LRP1B: variants seen among roughly 807,000 people sequenced by gnomAD.
LRP1B encodes LDL receptor related protein 1B, also known as low-density lipoprotein receptor-related protein 1B.
A neutral mutation model predicts 556.6 loss-of-function variants in LRP1B; 217 were observed. The observed-to-expected ratio is 0.39, with a 90% CI of 0.35 to 0.44. LRP1B has a LOEUF of 0.44. Among genes scored for constraint, LRP1B ranks in the 20% least tolerant of loss-of-function variants. LRP1B has a pLI of 1.00. For synonymous variants in LRP1B, 2,047 were observed against 1,865.8 expected, an observed-to-expected ratio of 1.10 and a Z score of -2.50; for missense variants, 5,053 against 5,620.8, an observed-to-expected ratio of 0.90 and a Z score of 3.23.
chr2:141,798,774 A>C (rs929121967), intron 2 of LRP1B, among the ~76,000 whole-genome samples: 19 of 151,626 alleles, frequency 1.3e-4, no homozygotes, highest in African/African-American at 4.6e-4. Flanking sequence ...TTATGGGCTG[A>C]ATTGGTCCTC....
At chr2:140,589,321 A>C (rs571659893) in intron 43 of LRP1B, among the ~76,000 whole-genome samples, 66 of 152,292 alleles carry the variant, frequency 4.3e-4, no homozygotes, top group African/African-American at 1.5e-3. Context: ...TAGAATATAT[A>C]AATAACTCAT....
At chr2:142,068,035 T>C (rs1705172338) in intron 1 of LRP1B, among the ~76,000 whole-genome samples, 1 of 151,556 alleles carries the variant, frequency 6.6e-6, no homozygotes, top group Admixed American at 6.6e-5. Context: ...GTCTAGGAGC[T>C]GGTTCCTTAA....
At chr2:140,582,501 G>A (rs1558983057) in intron 43 of LRP1B, among the ~76,000 whole-genome samples, 2 of 152,172 alleles carry the variant, frequency 1.3e-5, no homozygotes, top group African/African-American at 2.4e-5. Flanking sequence ...AGTATTAAGA[G>A]GTGGGACTTT....
intron 3 of LRP1B, among the ~76,000 whole-genome samples, chr2:141,407,134 A>G (rs1156415729): frequency 4.1e-4 from 1 of 2,460 alleles, no homozygotes; most frequent in Admixed American, 7.1e-3. Context: ...GTCAATAAAT[A>G]GAAACTTTTT....
At chr2:141,629,046 A>C (rs1267082837) in intron 2 of LRP1B, among the ~76,000 whole-genome samples, 1 of 152,204 alleles carries the variant, frequency 6.6e-6, no homozygotes, top group East Asian at 1.9e-4. Context: ...GAGAATCATA[A>C]TGTCCAAAGA....
intron 72 of LRP1B, among the ~76,000 whole-genome samples, chr2:140,361,757 G>A (rs184500539): frequency 1.3e-4 from 20 of 151,284 alleles, no homozygotes; most frequent in Admixed American, 6.0e-4. Context: ...TCCACACAGC[G>A]TAATCTTGAA....
intron 1 of LRP1B, among the ~76,000 whole-genome samples, chr2:142,071,087 G>A (rs1159224719): frequency 6.6e-6 from 1 of 151,916 alleles, no homozygotes; most frequent in African/African-American, 2.4e-5. Context: ...TGGGGGTTGG[G>A]AATGGTGGGT....
chr2:141,936,154 A>G (rs1458247302), intron 1 of LRP1B, among the ~76,000 whole-genome samples: 1 of 152,200 alleles, frequency 6.6e-6, no homozygotes, highest in Non-Finnish European at 1.5e-5. Context: ...GTATAAGATC[A>G]GACACAAGAT....
At chr2:140,835,978 G>C (rs373529699) in intron 31 of LRP1B, among the ~76,000 whole-genome samples, 4 of 152,116 alleles carry the variant, frequency 2.6e-5, no homozygotes, top group Non-Finnish European at 5.9e-5. Flanking sequence ...CTTCCAAAGG[G>C]AAAGTTTGAA....
At chr2:141,664,502 C>T (rs1690347005) in intron 2 of LRP1B, among the ~76,000 whole-genome samples, 1 of 152,182 alleles carries the variant, frequency 6.6e-6, no homozygotes, top group Admixed American at 6.5e-5. Flanking sequence ...TTAGCAACTT[C>T]AGCAAAGTCT....
intron 86 of LRP1B, among the ~76,000 whole-genome samples, chr2:140,262,580 A>C (rs946166456): frequency 1.3e-5 from 2 of 152,170 alleles, no homozygotes; most frequent in Non-Finnish European, 2.9e-5. Context: ...TGTCTGGCTC[A>C]CCTTTGATAG....
rs568574904 is a variant in LRP1B, at chr2:141,998,322, A to G, written c.82+132326T>C. 1.1e-4 allele frequency among the ~76,000 whole-genome samples: 16 copies of G among 152,312 alleles called. No homozygotes were observed. In the South Asian group the frequency reaches 3.1e-3, roughly 30 times the overall value. On this transcript the variant is annotated intron_variant, in intron 1 of 90. Transcript: ENST00000389484. ...TTTGAAAAAAAGAGAAAAAACAAAC[A>G]AACAAACAAAAAATGTCTGTGAGGA...
At chr2:141,477,066 T>C (rs1286828462) in intron 3 of LRP1B, among the ~76,000 whole-genome samples, 1 of 151,972 alleles carries the variant, frequency 6.6e-6, no homozygotes, top group Non-Finnish European at 1.5e-5. Context: ...GAGGTCATGG[T>C]GAGCCGAGAT....
chr2:141,823,897 C>A (rs1558900383), intron 1 of LRP1B, among the ~76,000 whole-genome samples: 1 of 152,132 alleles, frequency 6.6e-6, no homozygotes, highest in East Asian at 1.9e-4. Context: ...TGGTCTCAAA[C>A]TCCTGAGTTC....
rs184923226 is a variant in LRP1B at position 140,818,598 on chromosome 2, T to C, written c.5210-4792A>G. Among the ~76,000 whole-genome samples, 168 of 152,276 alleles carry C rather than the reference T, an allele frequency of 1.1e-3. 1 individual carries two copies. In the South Asian group the frequency reaches 0.011, roughly 10 times the overall value. On this transcript the variant is annotated intron_variant, in intron 31 of 90. Coordinates refer to ENST00000389484, the MANE Select transcript of LRP1B (RefSeq NM_018557.3). Reference sequence around the variant, plus strand: ...TTCACTATTAGGCTATCTCAAGAAATGCTTTATCCATCCTGAGAATATTTG... The same window carrying C: ...TTCACTATTAGGCTATCTCAAGAAACGCTTTATCCATCCTGAGAATATTTG...
chr2:141,851,117 T>A (rs1025962045), intron 1 of LRP1B, among the ~76,000 whole-genome samples: 1 of 59,360 alleles, frequency 1.7e-5, no homozygotes, highest in East Asian at 3.1e-4. Context: ...TTGTTTTCAG[T>A]CTTTATTATA....
At chr2:140,245,366 T>G (rs1681105206) in intron 87 of LRP1B, among the ~76,000 whole-genome samples, 1 of 151,484 alleles carries the variant, frequency 6.6e-6, no homozygotes, top group South Asian at 2.1e-4. Context: ...AACACCAAAC[T>G]TTCCCTTTGT....
chr2:141,811,103 C>T (rs1696339018), intron 1 of LRP1B, among the ~76,000 whole-genome samples: 1 of 152,066 alleles, frequency 6.6e-6, no homozygotes, highest in Non-Finnish European at 1.5e-5. Context: ...AGCCTTTCCT[C>T]AAGTCCTCGC....
chr2:140,813,743 T>A lies in LRP1B; in HGVS notation c.5273A>T (p.Asn1758Ile), dbSNP rs944614643. 2 of 1,610,126 alleles carry A rather than the reference T, an allele frequency of 1.2e-6. No homozygotes were observed. Among genetic ancestry groups the A allele is most frequent in the African/African-American group, 2.7e-5 (2 of 74,856 alleles). The part of the protein sequence containing the change: ...YWISSGNGTI[N>I]RCNLDGGNLE... The stretch of plus-strand genomic sequence containing the variant: ...ATTACCACCATCCAGGTTGCATCTA[T>A]TTATGGTTCCATTCCCTGAACTGAT... The change falls in exon 32 of 91, where the codon AAT becomes ATT. Residue 1758 changes from asparagine to isoleucine, a missense_variant. Physicochemically the swap from Asn to Ile is moderately radical, Grantham distance 149 (BLOSUM62 -3). This residue lies in a region of LRP1B where 3,619 missense variants were observed against 3,931.9 expected (regional missense o/e 0.92). Coordinates refer to ENST00000389484, the MANE Select transcript of LRP1B (RefSeq NM_018557.3).
Sources: allele counts gnomAD v4.1 joint callset (sites outside exome capture counted in the v4.1 genomes callset), GRCh38; gene constraint gnomAD v4.1.1; regional missense constraint gnomAD v4.1.1; transcripts MANE v1.5; gene names NCBI Gene and HGNC (gene_info 2026-07-23, HGNC 2026-07-21).